PTPRB: variants seen among roughly 807,000 people sequenced by gnomAD.
PTPRB encodes the protein protein tyrosine phosphatase receptor type B.
A neutral mutation model predicts 238.1 loss-of-function variants in PTPRB; 97 were observed. The observed-to-expected ratio is 0.41, with a 90% CI of 0.35 to 0.48. The LOEUF (loss-of-function observed/expected upper bound fraction) is 0.48. Among genes scored for constraint, PTPRB ranks in the 20% least tolerant of loss-of-function variants. The probability of loss-of-function intolerance (pLI) is 0.30; values close to 1 mark genes in which losing one functional copy is unlikely to be tolerated. For synonymous variants in PTPRB, 970 were observed against 995.4 expected, an observed-to-expected ratio of 0.97 and a Z score of 0.48; for missense variants, 2,292 against 2,681.9, an observed-to-expected ratio of 0.85 and a Z score of 3.21.
At chr12:70,584,444 A>G (rs1867005) in intron 9 of PTPRB, among the ~76,000 whole-genome samples, 30,634 of 151,950 alleles carry the variant, frequency 0.2, 3,075 homozygotes, top group Middle Eastern at 0.25. Flanking sequence ...ACAAAAAGAA[A>G]TATATCTACA....
rs188468373 is a variant in PTPRB, at chr12:70,541,084, C to T, written c.5495-127G>A. 220 of 748,964 alleles carry T rather than the reference C, an allele frequency of 2.9e-4. No individual in the cohort carries two copies. The African/African-American group carries it at 3.3e-3, about 11-fold the overall frequency. The allele number at this position is 748,964 out of a possible 1,614,324, so 46.4% of individuals were successfully genotyped here. A position where few individuals can be genotyped will look rare whatever the true frequency, so the allele number is the denominator to read the frequency against. ...ACAAATAGAATTCAAGTGATGCCCA[C>T]GATGAGGCATTTACTTTCCAAAGGC... On this transcript the variant is annotated intron_variant, in intron 22 of 33. Coordinates refer to ENST00000334414, the MANE Select transcript of PTPRB (RefSeq NM_001109754.4).
intron 14 of PTPRB, among the ~76,000 whole-genome samples, chr12:70,567,439 G>T (rs538742678): frequency 3.0e-4 from 45 of 152,170 alleles, no homozygotes; most frequent in African/African-American, 1.0e-3. Flanking sequence ...TATTCTCATT[G>T]TTTTTTTGTT....
At chr12:70,522,489 T>C (rs980851013) in intron 33 of PTPRB, 1 of 152,226 alleles carries the variant, frequency 6.6e-6, no homozygotes, top group Non-Finnish European at 1.5e-5. Context: ...TAGGCAGTAA[T>C]AGATAACTAA....
intron 7 of PTPRB, chr12:70,592,064 A>G: frequency 1.7e-6 from 1 of 601,044 alleles, no homozygotes; most frequent in East Asian, 2.8e-5. Context: ...GACATGAAAA[A>G]GCATAAGACA....
intron 23 of PTPRB, chr12:70,540,261 G>A (rs1416152779): frequency 7.0e-6 from 3 of 425,602 alleles, no homozygotes; most frequent in Non-Finnish European, 8.3e-6. Flanking sequence ...TTGGCTACAG[G>A]TTATAATCAC....
At chr12:70,558,156 G>T (rs1877979089) in intron 18 of PTPRB, among the ~76,000 whole-genome samples, 1 of 152,136 alleles carries the variant, frequency 6.6e-6, no homozygotes. Context: ...ATGGTCAGAA[G>T]TGTTTAGAGT....
At chr12:70,566,976 A>T (rs866336587) in intron 14 of PTPRB, among the ~76,000 whole-genome samples, 4 of 152,328 alleles carry the variant, frequency 2.6e-5, no homozygotes, top group Middle Eastern at 6.8e-3. Flanking sequence ...GCCCTGATAA[A>T]TATGCAGAGT....
intron 8 of PTPRB, 48 bp from the exon 9 acceptor site, chr12:70,587,315 T>G: frequency 6.3e-7 from 1 of 1,586,276 alleles, no homozygotes; most frequent in Non-Finnish European, 8.6e-7. Context: ...TGAGGCATAT[T>G]CATAGGGTAT....
intron 21 of PTPRB, among the ~76,000 whole-genome samples, chr12:70,547,469 T>C (rs919339605): frequency 3.9e-5 from 6 of 152,194 alleles, no homozygotes; most frequent in Admixed American, 1.3e-4. Flanking sequence ...TAAGAGTTTC[T>C]TATTTATAAG....
chr12:70,548,897 A>T (rs763919258), intron 21 of PTPRB, among the ~76,000 whole-genome samples: 5 of 152,184 alleles, frequency 3.3e-5, no homozygotes, highest in African/African-American at 7.2e-5. Context: ...TTCTGTCCCT[A>T]TCTGGGTATT....
At chr12:70,535,923 G>T in intron 29 of PTPRB, 102 bp downstream of exon 29, 1 of 1,424,934 alleles carries the variant, frequency 7.0e-7, no homozygotes, top group South Asian at 1.3e-5. Flanking sequence ...GCTCTCACAT[G>T]ATCCCTACGT....
chr12:70,571,443 G>T, intron 12 of PTPRB, 154 bp from the exon 13 acceptor site: 1 of 760,970 alleles, frequency 1.3e-6, no homozygotes. Flanking sequence ...AAGAAAAATT[G>T]GAAGCAACTA....
intron 10 of PTPRB, among the ~76,000 whole-genome samples, chr12:70,580,747 G>A (rs1445119862): frequency 6.6e-6 from 1 of 151,976 alleles, no homozygotes; most frequent in Non-Finnish European, 1.5e-5. Flanking sequence ...GAACCCAGGA[G>A]GCGGAGGTTG....
At chr12:70,622,793 G>T in intron 2 of PTPRB, 147 bp from the exon 3 acceptor site, 2 of 957,848 alleles carry the variant, frequency 2.1e-6, no homozygotes, top group Non-Finnish European at 3.0e-6. Context: ...AATATACTTT[G>T]AGTGTGTGAC....
chr12:70,524,278 T>C (rs58156390), intron 33 of PTPRB, among the ~76,000 whole-genome samples, 193 bp downstream of exon 33: 7,439 of 121,600 alleles, frequency 0.061, 611 homozygotes, highest in African/African-American at 0.18. Flanking sequence ...TGGCTATTTT[T>C]TTTTTTTTTA....
Position 70,571,281 on chromosome 12 carries a change from G to A in PTPRB, c.3115C>T (p.Pro1039Ser), listed in dbSNP as rs769822765. 5 of 1,597,990 alleles carry A rather than the reference G, an allele frequency of 3.1e-6. No individual in the cohort carries two copies. Among genetic ancestry groups the A allele is most frequent in the African/African-American group, 2.7e-5 (2 of 74,514 alleles). ...EQGNGRTIPE[P>S]VKDLTLRNRS... The stretch of plus-strand genomic sequence containing the variant: ...TTGCGCAATGTTAGATCCTTAACAG[G>A]CTCTGGAACTAGGGAGAAAAATGAG... The change falls in exon 13 of 34, where the codon CCT becomes TCT. Residue 1039 changes from proline to serine, a missense_variant. Transcript: ENST00000334414.
intron 21 of PTPRB, 68 bp downstream of exon 21, chr12:70,552,709 G>T: frequency 6.4e-7 from 1 of 1,566,234 alleles, no homozygotes; most frequent in Non-Finnish European, 8.7e-7. Flanking sequence ...TGCATCAGTT[G>T]CTCAGACAGC....
At position 70,595,334 on chromosome 12, in the gene PTPRB, A is replaced by G. The variant is rs371749357; in HGVS notation, c.1259-610T>C. Reference sequence around the variant, plus strand: ...GGATAAGGAAGGGATAGCATTAGGAAAAATATCTAATGTAGATGATGGGTT... The same window carrying G: ...GGATAAGGAAGGGATAGCATTAGGAGAAATATCTAATGTAGATGATGGGTT... On this transcript the variant is annotated intron_variant, in intron 5 of 33. Transcript: ENST00000334414. Among the ~76,000 whole-genome samples the G allele has an allele frequency of 5.1e-3, 778 of 152,270 alleles. 8 individuals are homozygous for G. Among genetic ancestry groups the G allele is most frequent in the African/African-American group, 0.017 (690 of 41,560 alleles).
At chr12:70,558,036 G>A (rs915712290) in intron 18 of PTPRB, among the ~76,000 whole-genome samples, 6 of 152,184 alleles carry the variant, frequency 3.9e-5, no homozygotes, top group Non-Finnish European at 5.9e-5. Context: ...GTGGGGGACT[G>A]ATGCATACTG....
Sources: allele counts gnomAD v4.1 joint callset (sites outside exome capture counted in the v4.1 genomes callset), GRCh38; gene constraint gnomAD v4.1.1; transcripts MANE v1.5; gene names NCBI Gene and HGNC (gene_info 2026-07-23, HGNC 2026-07-21).